The following RBM43 variants were observed in gnomAD, a reference collection of about 807,000 sequenced individuals.
RBM43 encodes RNA-binding protein 43.
Under a neutral mutation model 12.4 loss-of-function variants are expected in RBM43, and 12 were observed. The ratio of observed to expected loss-of-function variants is 0.97; its 90% CI spans 0.62 to 1.57. The LOEUF (loss-of-function observed/expected upper bound fraction) is 1.57, where lower values mean the gene tolerates loss of function less well. RBM43 is among the 40% of genes most tolerant of loss of function. The pLI is 0.00. For synonymous variants in RBM43, 138 were observed against 145.7 expected (o/e 0.95, Z 0.38); for missense variants, 348 against 400.1 (o/e 0.87, Z 1.11).
chr2:151,257,897 C>A (rs1481598121), intron 1 of RBM43, among the ~76,000 whole-genome samples: 2 of 151,456 alleles, frequency 1.3e-5, no homozygotes, highest in African/African-American at 4.9e-5. Flanking sequence ...TGGTGAAATG[C>A]CGTCTCTACT....
intron 3 of RBM43, among the ~76,000 whole-genome samples, chr2:151,252,537 TA>T (rs1212969934): frequency 2.6e-5 from 4 of 152,026 alleles, no homozygotes; most frequent in African/African-American, 4.8e-5. Flanking sequence ...CTTTGTAAAA[TA>T]AAACATTAAG....
rs751809272 is a variant in RBM43 at position 151,251,341 on chromosome 2, A to G, written c.639T>C (p.Thr213=). ...GCACAAGCATTTCTCCACTTCTAGC[A>G]GTCTCAGGTACTAAGGTCCTGACTG... The part of the protein sequence containing the change: ...LASVRTLVPE[T]ARSGEMLVLD... Residue 213 remains threonine, a synonymous_variant, in exon 4 of 4, where the codon ACT becomes ACC. Coordinates refer to ENST00000331426, the MANE Select transcript of RBM43 (RefSeq NM_198557.3). 16 of 1,614,110 alleles carry G rather than the reference A, an allele frequency of 9.9e-6. No homozygotes were observed. The highest frequency in any genetic ancestry group is 1.4e-5 in the Non-Finnish European group (16 of 1,179,952).
intron 1 of RBM43, chr2:151,261,297 C>T (rs1180538028): frequency 7.1e-6 from 11 of 1,550,644 alleles, no homozygotes; most frequent in Admixed American, 2.0e-5. Flanking sequence ...CTGTGACCTC[C>T]ATTTCTGGCT....
intron 2 of RBM43, among the ~76,000 whole-genome samples, chr2:151,254,729 G>A (rs7597358): frequency 0.054 from 8,187 of 152,184 alleles, 607 homozygotes; most frequent in African/African-American, 0.16. Flanking sequence ...GTCAGGGATT[G>A]GGTGCAGGGA....
Position 151,261,795 on chromosome 2 carries a change from A to C in RBM43, c.-68T>G. ...AACCAGCGGAACGCAGGCGATGGGGAGAGGAGCGAGCAGGCAGGTTTTGGT... is the reference window on the plus strand; with the variant it reads ...AACCAGCGGAACGCAGGCGATGGGGCGAGGAGCGAGCAGGCAGGTTTTGGT... On this transcript the variant is annotated 5_prime_UTR_variant, in exon 1 of 4. Transcript: ENST00000331426. 6.4e-7 allele frequency: 1 copy of C among 1,559,704 alleles called. No individual in the cohort carries two copies.
At chr2:151,261,114 A>T in intron 1 of RBM43, 1 of 969,562 alleles carries the variant, frequency 1.0e-6, no homozygotes, top group South Asian at 1.8e-5. Context: ...CAGGAATTAA[A>T]GGCCTTGCCA....
Position 151,250,985 on chromosome 2 carries a change from A to G in RBM43, c.995T>C (p.Ile332Thr). The G allele has an allele frequency of 6.2e-7, 1 of 1,612,862 alleles. No individual in the cohort carries two copies. The highest frequency in any genetic ancestry group is 1.1e-5 in the South Asian group (1 of 90,998). The stretch of plus-strand genomic sequence containing the variant: ...GTCAGAAGAAGATCCTATAATGTCA[A>G]TGTGTGTCCTATAAAGGTTAATCAG... ...EVLINLYRTH[I>T]DIIGSSSDTY... The change falls in exon 4 of 4, where the codon ATT becomes ACT. Residue 332 changes from isoleucine (I) to threonine (T), a missense_variant. Transcript: ENST00000331426.
In RBM43 at chr2:151,250,642, T is replaced by G. The variant is rs576487345; in HGVS notation, c.*264A>C. On this transcript the variant is annotated 3_prime_UTR_variant, in exon 4 of 4. Transcript: ENST00000331426. Reference sequence around the variant, plus strand: ...GTTTGGTGAGTTTTTTTCAAAGTTTTATTCCTTAGATATTATCTGTGTAAT... The same window carrying G: ...GTTTGGTGAGTTTTTTTCAAAGTTTGATTCCTTAGATATTATCTGTGTAAT... 3.2e-6 allele frequency: 1 copy of G among 313,156 alleles called. No individual in the cohort carries two copies. Among genetic ancestry groups the G allele is most frequent in the Non-Finnish European group, 5.8e-6 (1 of 173,210 alleles). 19.4% of individuals were successfully genotyped at this position (313,156 alleles called of 1,614,324 possible). A position where few individuals can be genotyped will look rare whatever the true frequency, so the allele number is the denominator to read the frequency against.
At chr2:151,257,132 A>G (rs289917) in intron 1 of RBM43, among the ~76,000 whole-genome samples, 151,221 of 152,344 alleles carry the variant, frequency 0.99, 75,064 homozygotes, top group Non-Finnish European at 1. Context: ...TCAAACATAA[A>G]CTGTCCTAAG....
At chr2:151,257,750 G>C (rs1343156191) in intron 1 of RBM43, among the ~76,000 whole-genome samples, 1 of 151,966 alleles carries the variant, frequency 6.6e-6, no homozygotes, top group African/African-American at 2.4e-5. Context: ...ATCAGCACAG[G>C]AGAGTTCAAC....
At position 151,250,852 on chromosome 2, in the gene RBM43, G is replaced by C; in HGVS notation, c.*54C>G. 1 of 1,310,038 alleles carries C rather than the reference G, an allele frequency of 7.6e-7. No individual in the cohort carries two copies. The highest frequency in any genetic ancestry group is 1.1e-6 in the Non-Finnish European group (1 of 946,466). 81.2% of individuals were successfully genotyped at this position (1,310,038 alleles called of 1,614,324 possible). Reference sequence around the variant, plus strand: ...TAAAGCTAGCCTCATTCATGGCAATGGTCACTGCTCAGCAAGAGAAAGCAG... The same window carrying C: ...TAAAGCTAGCCTCATTCATGGCAATCGTCACTGCTCAGCAAGAGAAAGCAG... On this transcript the variant is annotated 3_prime_UTR_variant, in exon 4 of 4. Transcript: ENST00000331426.
chr2:151,253,523 A>G (rs1682932476), intron 2 of RBM43, among the ~76,000 whole-genome samples: 1 of 152,176 alleles, frequency 6.6e-6, no homozygotes, highest in Non-Finnish European at 1.5e-5. Flanking sequence ...ACCACAGAAA[A>G]TGATATTTAA....
rs1342535597 is a variant in RBM43 at position 151,248,989 on chromosome 2, A to T, written c.*1917T>A. 1 of 152,210 alleles carries T rather than the reference A, an allele frequency of 6.6e-6. No homozygotes were observed. Among genetic ancestry groups the T allele is most frequent in the African/African-American group, 2.4e-5 (1 of 41,452 alleles). The allele number at this position is 152,210 out of a possible 1,614,324, so 9.4% of individuals were successfully genotyped here. A position where few individuals can be genotyped will look rare whatever the true frequency, so the allele number is the denominator to read the frequency against. ...ATTCTACCCAACAGATCTACCAAAC[A>T]AGAGGGGGAAAGACCTCTCCCTAAT... On this transcript the variant is annotated 3_prime_UTR_variant, in exon 4 of 4. Transcript: ENST00000331426.
rs139002947 is a variant in RBM43, at chr2:151,255,712, G to C, written c.35C>G (p.Ala12Gly). 70 of 1,613,670 alleles carry C rather than the reference G, an allele frequency of 4.3e-5. No homozygotes were observed. Among genetic ancestry groups the C allele is most frequent in the Non-Finnish European group, 5.7e-5 (67 of 1,179,868 alleles). ...ASVLNVKESK[A>G]PERTVVVAGL... Reference sequence around the variant, plus strand: ...AGCAACTACAACCGTTCTTTCAGGAGCTTTGGATTCCTTGACATTCAAAAC... The same window carrying C: ...AGCAACTACAACCGTTCTTTCAGGACCTTTGGATTCCTTGACATTCAAAAC... The change falls in exon 2 of 4, where the codon GCT becomes GGT. Residue 12 changes from alanine to glycine, a missense_variant. Coordinates refer to ENST00000331426, the MANE Select transcript of RBM43 (RefSeq NM_198557.3).
At chr2:151,253,606 G>A (rs1682934877) in intron 2 of RBM43, among the ~76,000 whole-genome samples, 1 of 152,176 alleles carries the variant, frequency 6.6e-6, no homozygotes, top group Non-Finnish European at 1.5e-5. Context: ...AGCCAACGAT[G>A]AGTAGTAATT....
chr2:151,258,864 C>T (rs1195353525), intron 1 of RBM43, among the ~76,000 whole-genome samples: 2 of 151,638 alleles, frequency 1.3e-5, no homozygotes, highest in African/African-American at 2.4e-5. Context: ...GAATGCAGGC[C>T]GGGCACGGTG....
intron 1 of RBM43, chr2:151,261,106 G>A (rs1683039952): frequency 1.1e-6 from 1 of 903,302 alleles, no homozygotes; most frequent in East Asian, 2.7e-5. Context: ...TTTCAGAGCA[G>A]GAATTAAAGG....
At position 151,261,854 on chromosome 2, in the gene RBM43, G is replaced by T; in HGVS notation, c.-127C>A. ...TTGTTCCAGCTCCCTTGGAGGCTAC[G>T]AAGAAAAGGGCGGTCCTTCCACCCG... On this transcript the variant is annotated 5_prime_UTR_variant, in exon 1 of 4. Transcript: ENST00000331426. 1 of 1,123,196 alleles carries T rather than the reference G, an allele frequency of 8.9e-7. No homozygotes were observed. Among genetic ancestry groups the T allele is most frequent in the South Asian group, 1.5e-5 (1 of 66,574 alleles). The allele number at this position is 1,123,196 out of a possible 1,614,324, so 69.6% of individuals were successfully genotyped here. A position where few individuals can be genotyped will look rare whatever the true frequency, so the allele number is the denominator to read the frequency against.
intron 2 of RBM43, among the ~76,000 whole-genome samples, chr2:151,254,287 A>ATCTATCTCTCTCTCTC (rs146039442): frequency 1.3e-5 from 2 of 149,416 alleles, no homozygotes; most frequent in African/African-American, 4.9e-5. Flanking sequence ...ACCGAGGCCA[A>ATCTATCTCTCTCTCTC]TCTCTCTCTC....
Sources: allele counts gnomAD v4.1 joint callset (sites outside exome capture counted in the v4.1 genomes callset), GRCh38; gene constraint gnomAD v4.1.1; transcripts MANE v1.5; gene names NCBI Gene and HGNC (gene_info 2026-07-23, HGNC 2026-07-21).